CSMD1: variants seen among roughly 807,000 people sequenced by gnomAD.
CSMD1 encodes CUB and Sushi multiple domains 1, also known as CUB and sushi domain-containing protein 1.
In CSMD1, 213 loss-of-function variants were observed where a neutral mutation model predicts 417.5. The ratio of observed to expected loss-of-function variants is 0.51; its 90% CI spans 0.46 to 0.57. The LOEUF is 0.57. CSMD1 is among the 20% of genes least tolerant of loss of function. CSMD1 has a pLI of 0.00. For synonymous variants in CSMD1, 2,862 were observed against 1,736.8 expected (o/e 1.65, Z -16.11); for missense variants, 6,923 against 4,529.7 (o/e 1.53, Z -15.17).
At chr8:4,363,208 G>A (rs1801875630) in intron 3 of CSMD1, among the ~76,000 whole-genome samples, 1 of 152,126 alleles carries the variant, frequency 6.6e-6, no homozygotes, top group Non-Finnish European at 1.5e-5. Context: ...GTATTTGGTG[G>A]ATCTTCCATG....
intron 5 of CSMD1, among the ~76,000 whole-genome samples, chr8:3,788,999 G>A (rs752768365): frequency 1.3e-5 from 2 of 152,134 alleles, no homozygotes; most frequent in African/African-American, 4.8e-5. Flanking sequence ...TATTTCCACT[G>A]TATTACACTC....
At chr8:3,188,570 G>C (rs745983969) in intron 35 of CSMD1, among the ~76,000 whole-genome samples, 15 of 151,880 alleles carry the variant, frequency 9.9e-5, no homozygotes, top group Non-Finnish European at 1.9e-4. Context: ...GCTTCCCAAA[G>C]TGCTGGGACT....
intron 2 of CSMD1, among the ~76,000 whole-genome samples, chr8:4,548,371 T>G (rs1797724701): frequency 6.6e-6 from 1 of 152,192 alleles, no homozygotes; most frequent in Non-Finnish European, 1.5e-5. Flanking sequence ...TTGTCGTTCA[T>G]TGAATATTCA....
intron 3 of CSMD1, among the ~76,000 whole-genome samples, chr8:4,287,430 C>T (rs969935136): frequency 1.3e-5 from 2 of 152,096 alleles, no homozygotes; most frequent in South Asian, 2.1e-4. Context: ...TCTAACTACC[C>T]TTTCTTACGT....
chr8:3,434,463 A>T (rs1814420028), intron 12 of CSMD1, among the ~76,000 whole-genome samples: 1 of 152,246 alleles, frequency 6.6e-6, no homozygotes, highest in Non-Finnish European at 1.5e-5. Context: ...AGAAAATAGT[A>T]TCCCTGACAG....
At chr8:4,550,958 G>A (rs1027139972) in intron 2 of CSMD1, among the ~76,000 whole-genome samples, 1 of 152,092 alleles carries the variant, frequency 6.6e-6, no homozygotes, top group Non-Finnish European at 1.5e-5. Context: ...GCATTTCAAC[G>A]AATTCATTAA....
intron 3 of CSMD1, among the ~76,000 whole-genome samples, chr8:4,351,449 C>G (rs932258122): frequency 3.3e-5 from 5 of 152,290 alleles, no homozygotes; most frequent in Admixed American, 3.3e-4. Flanking sequence ...AAAATAATGT[C>G]TAAAAAGCAG....
chr8:4,344,276 C>T (rs190496974), intron 3 of CSMD1, among the ~76,000 whole-genome samples: 1 of 152,220 alleles, frequency 6.6e-6, no homozygotes, highest in East Asian at 1.9e-4. Flanking sequence ...TTCAATTGTT[C>T]ATTCTGTCAT....
intron 1 of CSMD1, among the ~76,000 whole-genome samples, chr8:4,839,830 A>G (rs1217444957): frequency 6.6e-6 from 1 of 152,240 alleles, no homozygotes; most frequent in Non-Finnish European, 1.5e-5. Flanking sequence ...TCATCTTAGT[A>G]AAGTTGATGT....
chr8:4,206,912 G>C (rs73658478), intron 3 of CSMD1, among the ~76,000 whole-genome samples: 2,871 of 152,148 alleles, frequency 0.019, 114 homozygotes, highest in African/African-American at 0.065. Context: ...TTATAATTTA[G>C]AGTTGGGCAA....
chr8:4,087,685 G>C (rs893859262), intron 3 of CSMD1, among the ~76,000 whole-genome samples: 4 of 151,734 alleles, frequency 2.6e-5, no homozygotes, highest in Admixed American at 2.0e-4. Flanking sequence ...TCTTCCTCTC[G>C]TGTCTCTGCC....
chr8:3,232,698 T>C (rs971095574), intron 26 of CSMD1, among the ~76,000 whole-genome samples: 1 of 152,174 alleles, frequency 6.6e-6, no homozygotes, highest in Non-Finnish European at 1.5e-5. Flanking sequence ...TCTCCTTATG[T>C]GCCCTGAAGT....
At chr8:3,115,996 G>T (rs749883435) in intron 42 of CSMD1, among the ~76,000 whole-genome samples, 2 of 152,136 alleles carry the variant, frequency 1.3e-5, no homozygotes, top group Non-Finnish European at 2.9e-5. Flanking sequence ...GAAGATACTG[G>T]GTTGTCAGCA....
At chr8:2,949,407 G>GAAAAA (rs750088444) in intron 67 of CSMD1, 21 bp from the exon 68 acceptor site, 1 of 1,311,344 alleles carries the variant, frequency 7.6e-7, no homozygotes. Context: ...GGAAAGAAAA[G>GAAAAA]AAAAGAAATA....
chr8:2,996,799 T>A (rs190366247), intron 54 of CSMD1, among the ~76,000 whole-genome samples: 1 of 152,232 alleles, frequency 6.6e-6, no homozygotes, highest in Non-Finnish European at 1.5e-5. Context: ...ATCAGATATT[T>A]CCCATGTAAT....
intron 11 of CSMD1, among the ~76,000 whole-genome samples, chr8:3,492,163 G>C (rs1053118842): frequency 6.6e-6 from 1 of 152,138 alleles, no homozygotes; most frequent in Non-Finnish European, 1.5e-5. Flanking sequence ...ACGGGTGGGC[G>C]TGGGTTTCAG....
At chr8:4,393,926 T>C (rs1245266590) in intron 3 of CSMD1, among the ~76,000 whole-genome samples, 1 of 152,172 alleles carries the variant, frequency 6.6e-6, no homozygotes, top group Non-Finnish European at 1.5e-5. Context: ...TTAGCTAGAT[T>C]GTAAGATATT....
At chr8:3,440,151 A>T (rs968929493) in intron 12 of CSMD1, among the ~76,000 whole-genome samples, 1 of 152,270 alleles carries the variant, frequency 6.6e-6, no homozygotes, top group South Asian at 2.1e-4. Flanking sequence ...CTACATTTTC[A>T]TACACATTTT....
At chr8:3,355,574 TCACATA>T (rs1361888163) in intron 21 of CSMD1, among the ~76,000 whole-genome samples, 1 of 152,140 alleles carries the variant, frequency 6.6e-6, no homozygotes, top group Non-Finnish European at 1.5e-5. Context: ...TAAGCGATCT[TCACATA>T]GCTGTTTCCA....
Sources: gnomAD v4.1 joint callset for allele counts (sites outside exome capture counted in the v4.1 genomes callset) on GRCh38, gnomAD v4.1.1 for gene constraint, MANE v1.5 for transcripts, NCBI Gene and HGNC (gene_info 2026-07-23, HGNC 2026-07-21) for gene names.